Variants in LRFN5 observed in about 807,000 individuals in gnomAD.
LRFN5 encodes leucine rich repeat and fibronectin type III domain containing 5, also known as leucine-rich repeat and fibronectin type-III domain-containing protein 5.
A neutral mutation model predicts 45.6 loss-of-function variants in LRFN5; 24 were observed. That is an observed-to-expected ratio of 0.53 (90% CI 0.38 to 0.74). LRFN5 has a LOEUF of 0.74. LRFN5 is among the 30% of genes least tolerant of loss of function. The pLI is 0.00. For synonymous variants in LRFN5, 340 were observed against 313.8 expected, an observed-to-expected ratio of 1.08 and a Z score of -0.88; for missense variants, 776 against 861.5, an observed-to-expected ratio of 0.90 and a Z score of 1.24.
intron 2 of LRFN5, among the ~76,000 whole-genome samples, chr14:41,826,768 A>G (rs28687174): frequency 0.52 from 79,468 of 151,618 alleles, 21,803 homozygotes; most frequent in African/African-American, 0.63. Flanking sequence ...TGTTATTTAA[A>G]TAAATATATA....
chr14:41,680,003 C>T (rs1007853709), intron 1 of LRFN5, among the ~76,000 whole-genome samples: 1 of 152,102 alleles, frequency 6.6e-6, no homozygotes, highest in Non-Finnish European at 1.5e-5. Flanking sequence ...GGAGTGGTGG[C>T]GGCCATGAGG....
intron 4 of LRFN5, chr14:41,894,764 G>A (rs958786753): frequency 4.9e-5 from 48 of 983,178 alleles, no homozygotes; most frequent in African/African-American, 1.8e-5. Context: ...GGAGTAAGGT[G>A]TGGAAATAAG....
At chr14:41,677,246 G>A (rs973715741) in intron 1 of LRFN5, among the ~76,000 whole-genome samples, 1 of 152,158 alleles carries the variant, frequency 6.6e-6, no homozygotes, top group Non-Finnish European at 1.5e-5. Flanking sequence ...AAATGGCCAA[G>A]TAGACAACAG....
intron 2 of LRFN5, among the ~76,000 whole-genome samples, chr14:41,816,099 C>A (rs899212106): frequency 2.6e-5 from 4 of 151,376 alleles, no homozygotes; most frequent in African/African-American, 9.7e-5. Flanking sequence ...CTATTTTATA[C>A]CCCCTTCTCT....
chr14:41,831,596 G>A (rs929052841), intron 2 of LRFN5, among the ~76,000 whole-genome samples: 1 of 151,996 alleles, frequency 6.6e-6, no homozygotes, highest in Admixed American at 6.6e-5. Flanking sequence ...AGAGTAAAAA[G>A]GACTGTTACC....
At chr14:41,899,054 T>A in intron 5 of LRFN5, 94 bp downstream of exon 5, 1 of 990,746 alleles carries the variant, frequency 1.0e-6, no homozygotes, top group Non-Finnish European at 1.5e-6. Flanking sequence ...CTAATTTATG[T>A]AGCTTGTTGA....
intron 1 of LRFN5, among the ~76,000 whole-genome samples, chr14:41,615,458 A>G (rs1398385644): frequency 6.6e-6 from 1 of 152,118 alleles, no homozygotes; most frequent in East Asian, 1.9e-4. Context: ...GGTTTGGGAC[A>G]GTTTTCTGTA....
intron 1 of LRFN5, among the ~76,000 whole-genome samples, chr14:41,644,576 A>C (rs1879725306): frequency 6.6e-6 from 1 of 151,896 alleles, no homozygotes; most frequent in African/African-American, 2.4e-5. Flanking sequence ...AGATAGTCGG[A>C]GTGTGTGTTT....
intron 1 of LRFN5, among the ~76,000 whole-genome samples, chr14:41,653,339 A>G (rs1224977758): frequency 1.3e-5 from 2 of 152,120 alleles, no homozygotes; most frequent in Non-Finnish European, 2.9e-5. Flanking sequence ...TTAATTTTGT[A>G]TAAGGTGTAA....
intron 1 of LRFN5, among the ~76,000 whole-genome samples, chr14:41,676,035 T>A (rs1301314160): frequency 6.6e-6 from 1 of 152,096 alleles, no homozygotes; most frequent in Non-Finnish European, 1.5e-5. Flanking sequence ...AAGGGAAAGC[T>A]CCCTTTTCCC....
At chr14:41,768,587 G>T (rs4904787) in intron 2 of LRFN5, among the ~76,000 whole-genome samples, 95,622 of 151,912 alleles carry the variant, frequency 0.63, 31,192 homozygotes, top group East Asian at 0.95. Flanking sequence ...TTTTTCATGT[G>T]CTTAAGGAGA....
At chr14:41,756,941 G>C (rs78335820) in intron 1 of LRFN5, among the ~76,000 whole-genome samples, 1 of 150,750 alleles carries the variant, frequency 6.6e-6, no homozygotes, top group Admixed American at 6.6e-5. Flanking sequence ...TTTTGGTGTG[G>C]GTGTCCTTTC....
chr14:41,656,490 G>C (rs967196805), intron 1 of LRFN5, among the ~76,000 whole-genome samples: 7 of 151,846 alleles, frequency 4.6e-5, no homozygotes, highest in African/African-American at 1.4e-4. Context: ...GCTTTATTGA[G>C]CCACTTTTTA....
intron 1 of LRFN5, among the ~76,000 whole-genome samples, chr14:41,704,409 TC>T (rs1416130473): frequency 4.6e-5 from 4 of 86,390 alleles, no homozygotes; most frequent in Non-Finnish European, 6.7e-5. Context: ...GTTATACTTT[TC>T]TCTCTCTCTC....
intron 2 of LRFN5, among the ~76,000 whole-genome samples, chr14:41,828,449 A>G (rs926523530): frequency 1.3e-5 from 2 of 152,020 alleles, no homozygotes; most frequent in East Asian, 3.8e-4. Context: ...CAAGTAGTTG[A>G]TGAAGAAATG....
At chr14:41,890,934 G>A (rs1204149844) in intron 3 of LRFN5, among the ~76,000 whole-genome samples, 2 of 152,102 alleles carry the variant, frequency 1.3e-5, no homozygotes, top group Admixed American at 1.3e-4. Context: ...TAATGTCACA[G>A]TCACACCTTT....
chr14:41,674,982 C>T (rs1384072265), intron 1 of LRFN5, among the ~76,000 whole-genome samples: 4 of 148,042 alleles, frequency 2.7e-5, no homozygotes, highest in African/African-American at 7.6e-5. Flanking sequence ...AGGGCAAAGT[C>T]GCTCCCCACA....
intron 1 of LRFN5, among the ~76,000 whole-genome samples, chr14:41,680,037 G>C (rs1881813659): frequency 6.6e-6 from 1 of 152,178 alleles, no homozygotes; most frequent in African/African-American, 2.4e-5. Flanking sequence ...CTTGTGGACA[G>C]GGGAGGGAAG....
At chr14:41,739,196 G>A (rs1884578441) in intron 1 of LRFN5, among the ~76,000 whole-genome samples, 1 of 152,058 alleles carries the variant, frequency 6.6e-6, no homozygotes, top group Non-Finnish European at 1.5e-5. Flanking sequence ...GGCAAGCCTG[G>A]GCAACATGGC....
Sources: gnomAD v4.1 joint callset for allele counts (sites outside exome capture counted in the v4.1 genomes callset) on GRCh38, gnomAD v4.1.1 for gene constraint, MANE v1.5 for transcripts, NCBI Gene and HGNC (gene_info 2026-07-23, HGNC 2026-07-21) for gene names.